Variants in ADCY9 observed in about 807,000 individuals in gnomAD.
ADCY9 encodes the protein adenylate cyclase type 9.
Under a neutral mutation model 101.5 loss-of-function variants are expected in ADCY9, and 50 were observed. That is an observed-to-expected ratio of 0.49 (90% CI 0.39 to 0.62). ADCY9 has a LOEUF of 0.62. Among genes scored for constraint, ADCY9 ranks in the 20% least tolerant of loss-of-function variants. The pLI is 0.00. For synonymous variants in ADCY9, 905 were observed against 769.3 expected, an observed-to-expected ratio of 1.18 and a Z score of -2.92; for missense variants, 1,662 against 1,800.4, an observed-to-expected ratio of 0.92 and a Z score of 1.39.
chr16:4,007,325 T>C (rs1567434701), intron 3 of ADCY9, 43 bp downstream of exon 3: 8 of 1,472,222 alleles, frequency 5.4e-6, no homozygotes, highest in Non-Finnish European at 6.3e-6. Flanking sequence ...GCAGAATTAA[T>C]AGAAAGTTTT....
At position 3,977,459 on chromosome 16, in the gene ADCY9, C is replaced by T. The variant is rs375357908; in HGVS notation, c.2828+23G>A. On this transcript the variant is annotated intron_variant, in intron 9 of 10. Transcript: ENST00000294016. ...CAAGGTGGCCACGCACCCTGGTGCC[C>T]GCAAGCAGTGCTGGCCGCGTACCTG... 62 of 1,544,462 alleles carry T rather than the reference C, an allele frequency of 4.0e-5. No homozygotes were observed. In the East Asian group the frequency reaches 4.4e-4, roughly 11 times the overall value.
Position 3,963,966 on chromosome 16 carries a change from C to A in ADCY9, c.*1809G>T, listed in dbSNP as rs1261436634. 6.6e-6 allele frequency: 1 copy of A among 152,638 alleles called. No individual in the cohort carries two copies. The highest frequency in any genetic ancestry group is 2.4e-5 in the African/African-American group (1 of 41,462). The allele number at this position is 152,638 out of a possible 1,614,324, so 9.5% of individuals were successfully genotyped here. ...CAGTCACACCTGACAGGAAACCTTACAGCTAATGGGGGGAGGTGCCCTGGA... is the reference window on the plus strand; with the variant it reads ...CAGTCACACCTGACAGGAAACCTTAAAGCTAATGGGGGGAGGTGCCCTGGA... On this transcript the variant is annotated 3_prime_UTR_variant, in exon 11 of 11. Transcript: ENST00000294016.
intron 2 of ADCY9, among the ~76,000 whole-genome samples, chr16:4,092,836 G>T (rs2056981917): frequency 6.6e-6 from 1 of 152,142 alleles, no homozygotes; most frequent in Non-Finnish European, 1.5e-5. Context: ...TGTTGGTTTG[G>T]TTTTTTAATG....
In ADCY9 at chr16:3,964,281, C is replaced by G. The variant is rs2238435; in HGVS notation, c.*1494G>C. 0.46 allele frequency: 69,691 copies of G among 152,242 alleles called. 18,659 individuals are homozygous for G. Among genetic ancestry groups the G allele is most frequent in the Non-Finnish European group, 0.62 (42,100 of 68,080 alleles). 9.4% of individuals were successfully genotyped at this position (152,242 alleles called of 1,614,324 possible). Reference sequence around the variant, plus strand: ...TCCCCTGAAAGACTGGCTACAACTCCGACCGGACAACTCGGGCGAGCTCAC... The same window carrying G: ...TCCCCTGAAAGACTGGCTACAACTCGGACCGGACAACTCGGGCGAGCTCAC... On this transcript the variant is annotated 3_prime_UTR_variant, in exon 11 of 11. Transcript: ENST00000294016.
rs192312445 is a variant in ADCY9 at position 4,056,643 on chromosome 16, C to T, written c.1694-49085G>A. On this transcript the variant is annotated intron_variant, in intron 2 of 10. Transcript: ENST00000294016. ...AGAATTCTAACCTCAAAACTGGTCT[C>T]CTGGGAACACTGGAAAGCAGTGCGT... Among the ~76,000 whole-genome samples, 479 of 152,292 alleles carry T rather than the reference C, an allele frequency of 3.1e-3. 3 individuals are homozygous for T. Among genetic ancestry groups the T allele is most frequent in the African/African-American group, 9.5e-3 (393 of 41,550 alleles).
intron 2 of ADCY9, among the ~76,000 whole-genome samples, chr16:4,098,219 TTTTTG>T (rs1340592385): frequency 2.0e-5 from 3 of 151,614 alleles, no homozygotes; most frequent in Middle Eastern, 3.4e-3. Context: ...GGTTTGGGAT[TTTTTG>T]TTTTGTTTTG....
At chr16:4,069,903 C>G (rs1053937316) in intron 2 of ADCY9, among the ~76,000 whole-genome samples, 1 of 152,156 alleles carries the variant, frequency 6.6e-6, no homozygotes, top group African/African-American at 2.4e-5. Flanking sequence ...TGAGACCAGT[C>G]TGCCCAAGAT....
In ADCY9 at chr16:3,965,775, TCA is replaced by T; in HGVS notation, c.4060_4061del (p.Ter1354ArgfsTer17). The T allele has an allele frequency of 1.9e-6, 3 of 1,608,630 alleles. No individual in the cohort carries two copies. Among genetic ancestry groups the T allele is most frequent in the Non-Finnish European group, 2.5e-6 (3 of 1,176,568 alleles). The part of the protein sequence containing the change: ...LTKLNVSKSV[*>X] ...CCTCGGGCAGCGGGTGGGCGCCGCCTCACACACTCTTTGAAACGTTGAGCTTG... is the reference window on the plus strand; with the variant it reads ...CCTCGGGCAGCGGGTGGGCGCCGCCTCACACTCTTTGAAACGTTGAGCTTG... On this transcript the variant is annotated frameshift_variant and stop_lost, in exon 11 of 11. Transcript: ENST00000294016. LOFTEE classifies it high-confidence loss of function.
intron 10 of ADCY9, 65 bp downstream of exon 10, chr16:3,974,604 G>T (rs936658232): frequency 7.4e-7 from 1 of 1,359,686 alleles, no homozygotes; most frequent in Non-Finnish European, 1.0e-6. Flanking sequence ...AGGAAGCTTC[G>T]AAATGGGCAG....
At chr16:3,969,561 T>G (rs1284046158) in intron 10 of ADCY9, among the ~76,000 whole-genome samples, 2 of 99,882 alleles carry the variant, frequency 2.0e-5, no homozygotes, top group East Asian at 6.2e-4. Flanking sequence ...TTCTTAAAGT[T>G]TGTTTGAAAT....
intron 2 of ADCY9, among the ~76,000 whole-genome samples, chr16:4,095,966 G>T (rs1005390839): frequency 5.9e-5 from 6 of 102,210 alleles, no homozygotes; most frequent in African/African-American, 7.9e-5. Flanking sequence ...GACAGAGCAA[G>T]ACTCTATCTC....
chr16:3,996,921 G>C (rs1373388236), intron 3 of ADCY9, among the ~76,000 whole-genome samples: 1 of 152,156 alleles, frequency 6.6e-6, no homozygotes, highest in Non-Finnish European at 1.5e-5. Context: ...CTGGAGTGCA[G>C]TGGGGAGATC....
At chr16:3,968,499 T>C (rs2056019236) in intron 10 of ADCY9, among the ~76,000 whole-genome samples, 1 of 152,206 alleles carries the variant, frequency 6.6e-6, no homozygotes, top group South Asian at 2.1e-4. Context: ...TTCTATACTC[T>C]CTACCTGTAT....
intron 2 of ADCY9, among the ~76,000 whole-genome samples, chr16:4,027,965 G>A (rs959507080): frequency 9.9e-5 from 15 of 151,842 alleles, no homozygotes; most frequent in South Asian, 6.2e-4. Context: ...CTGCCCCCAC[G>A]ATTCAATTAC....
rs2055987353 is a variant in ADCY9 at position 3,965,874 on chromosome 16, C to T, written c.3963G>A (p.Arg1321=). The change falls in exon 11 of 11, where the codon AGG becomes AGA. Residue 1321 remains arginine, a synonymous_variant. Coordinates refer to ENST00000294016, the MANE Select transcript of ADCY9 (RefSeq NM_001116.4). ...PWKEPVKAEE[R]GRFGKAIEKD... ...TCTCTATGGCTTTGCCAAATCGACC[C>T]CTTTCTTCGGCTTTGACGGGCTCCT... 2.5e-6 allele frequency: 4 copies of T among 1,614,106 alleles called. No individual in the cohort carries two copies. The highest frequency in any genetic ancestry group is 3.4e-6 in the Non-Finnish European group (4 of 1,180,048).
At chr16:4,075,285 T>C (rs1451176261) in intron 2 of ADCY9, among the ~76,000 whole-genome samples, 1 of 152,102 alleles carries the variant, frequency 6.6e-6, no homozygotes, top group African/African-American at 2.4e-5. Flanking sequence ...ATTACAGGCA[T>C]GTGCCACCAC....
chr16:3,999,910 C>A (rs1239242019), intron 3 of ADCY9, among the ~76,000 whole-genome samples: 1 of 152,202 alleles, frequency 6.6e-6, no homozygotes. Context: ...GGTTATTTCT[C>A]ATCACAAGAT....
At chr16:3,986,643 A>T (rs2141694961) in intron 6 of ADCY9, among the ~76,000 whole-genome samples, 1 of 152,222 alleles carries the variant, frequency 6.6e-6, no homozygotes, top group East Asian at 1.9e-4. Flanking sequence ...TTTTTAGTAG[A>T]GACGGGGTTT....
chr16:4,103,651 G>A (rs2057057919), intron 2 of ADCY9, among the ~76,000 whole-genome samples: 3 of 152,126 alleles, frequency 2.0e-5, no homozygotes, highest in South Asian at 2.1e-4. Flanking sequence ...CCAATATGGC[G>A]AAACCCCGTC....
Sources: gnomAD v4.1 joint callset for allele counts (sites outside exome capture counted in the v4.1 genomes callset) on GRCh38, gnomAD v4.1.1 for gene constraint, MANE v1.5 for transcripts, NCBI Gene and HGNC (gene_info 2026-07-23, HGNC 2026-07-21) for gene names.